PCDHGB2: variants seen among roughly 807,000 people sequenced by gnomAD.
PCDHGB2 encodes protocadherin gamma subfamily B, 2.
Under a neutral mutation model 59.3 loss-of-function variants are expected in PCDHGB2, and 55 were observed. The observed-to-expected ratio is 0.93, with a 90% CI of 0.75 to 1.16. The LOEUF is 1.16. Among genes scored for constraint, PCDHGB2 ranks in the 50% most tolerant of loss-of-function variants. The probability of loss-of-function intolerance (pLI) is 0.00; values close to 1 mark genes in which losing one functional copy is unlikely to be tolerated. For synonymous variants in PCDHGB2, 516 were observed against 512.0 expected, an observed-to-expected ratio of 1.01 and a Z score of -0.11; for missense variants, 1,228 against 1,198.5, an observed-to-expected ratio of 1.02 and a Z score of -0.36.
Position 141,372,306 on chromosome 5 carries a change from G to T in PCDHGB2, c.2421+9750G>T, listed in dbSNP as rs771102617. 35 of 1,613,152 alleles carry T rather than the reference G, an allele frequency of 2.2e-5. No homozygotes were observed. Among genetic ancestry groups the T allele is most frequent in the African/African-American group, 9.3e-5 (7 of 75,056 alleles). ...GCGTACCTTGGGCGACAGGGAGGCC[G>T]CCCGCCAGCGCCTGCTGGTCACTGT... On this transcript the variant is annotated intron_variant, in intron 1 of 3. Coordinates refer to ENST00000522605, the MANE Select transcript of PCDHGB2 (RefSeq NM_018923.3).
At chr5:141,444,115 AG>A (rs1206374963) in intron 1 of PCDHGB2, among the ~76,000 whole-genome samples, 3 of 147,326 alleles carry the variant, frequency 2.0e-5, no homozygotes, top group Admixed American at 2.0e-4. Context: ...AGAAAAGTGA[AG>A]TATCTCAACA....
intron 1 of PCDHGB2, chr5:141,423,349 T>A (rs2096733716): frequency 6.2e-7 from 1 of 1,614,196 alleles, no homozygotes; most frequent in East Asian, 2.2e-5. Context: ...CTTCCTGGTC[T>A]TTGTCATCGT....
intron 1 of PCDHGB2, among the ~76,000 whole-genome samples, chr5:141,448,434 G>A (rs2098588755): frequency 1.3e-5 from 2 of 152,052 alleles, no homozygotes; most frequent in Non-Finnish European, 2.9e-5. Context: ...TATATATTGA[G>A]AAGTCTGACT....
At chr5:141,478,891 A>G (rs1045274228) in intron 1 of PCDHGB2, 10 of 1,122,064 alleles carry the variant, frequency 8.9e-6, no homozygotes, top group Admixed American at 3.1e-5. Context: ...TATCATTTAC[A>G]TTAGGAATAA....
chr5:141,435,396 G>A (rs562717014), intron 1 of PCDHGB2, among the ~76,000 whole-genome samples: 46 of 152,096 alleles, frequency 3.0e-4, no homozygotes, highest in African/African-American at 9.4e-4. Context: ...TTGCCATGAC[G>A]AAAAATGGTA....
rs1167115299 is a variant in PCDHGB2, at chr5:141,362,416, G to C, written c.2281G>C (p.Ala761Pro). 2 of 1,614,008 alleles carry C rather than the reference G, an allele frequency of 1.2e-6. No homozygotes were observed. The highest frequency in any genetic ancestry group is 1.7e-6 in the Non-Finnish European group (2 of 1,179,902). ...CAACCTGTGTGTTGCCTCACAATCA[G>C]CCAAGACAGAGTTCAATTTTCTGAA... is the stretch of plus-strand genomic sequence containing the variant. ...SYNLCVASQSAKTEFNFLNIT... is the reference protein window; with the variant it reads ...SYNLCVASQSPKTEFNFLNIT... The change falls in exon 1 of 4, where the codon GCC (alanine) becomes CCC (proline). Residue 761 changes from alanine (A) to proline (P), a missense_variant. This residue lies in a region of PCDHGB2 where 433 missense variants were observed against 441.8 expected (regional missense o/e 0.98). Coordinates refer to ENST00000522605, the MANE Select transcript of PCDHGB2 (RefSeq NM_018923.3).
intron 1 of PCDHGB2, chr5:141,408,397 G>T: frequency 6.2e-7 from 1 of 1,614,068 alleles, no homozygotes; most frequent in Non-Finnish European, 8.5e-7. Context: ...CGGCTCGCAA[G>T]CTGCGAGTGA....
At position 141,375,481 on chromosome 5, in the gene PCDHGB2, CA is replaced by C. The variant is rs140643836; in HGVS notation, c.2421+12926del. 6.2e-4 allele frequency: 1,002 copies of C among 1,614,010 alleles called. 20 individuals are homozygous for C. The East Asian group carries it at 0.02, about 31-fold the overall frequency. On this transcript the variant is annotated intron_variant, in intron 1 of 3. Transcript: ENST00000522605. ...CAGTCTATGTCCTTGAAAACAACCC[CA>C]GGGGTGCCTCCATCTTCTCTGTGAA...
intron 1 of PCDHGB2, chr5:141,372,194 C>T: frequency 6.2e-7 from 1 of 1,613,572 alleles, no homozygotes; most frequent in Non-Finnish European, 8.5e-7. Context: ...ACTCGGGATA[C>T]AACGCCTGGC....
At chr5:141,368,236 C>T (rs1444187989) in intron 1 of PCDHGB2, among the ~76,000 whole-genome samples, 1 of 152,160 alleles carries the variant, frequency 6.6e-6, no homozygotes, top group Non-Finnish European at 1.5e-5. Context: ...CTACATTACT[C>T]AACCACATGA....
rs772807357 is a variant in PCDHGB2, at chr5:141,431,758, C to G, written c.2422-63049C>G. On this transcript the variant is annotated intron_variant, in intron 1 of 3. Transcript: ENST00000522605. This position sits in a 1 kb window ranked among gnomAD's most constrained non-coding sequence, Gnocchi z 4.8. ...CAGGATATTCTGCGCGAGCCAAAGTCCTGATCACTGTTCTGGACGTGAACG... is the reference window on the plus strand; with the variant it reads ...CAGGATATTCTGCGCGAGCCAAAGTGCTGATCACTGTTCTGGACGTGAACG... 2.0e-5 allele frequency: 32 copies of G among 1,614,054 alleles called. No individual in the cohort carries two copies. The highest frequency in any genetic ancestry group is 2.6e-5 in the Non-Finnish European group (31 of 1,180,028).
At chr5:141,478,694 T>A (rs2099472305) in intron 1 of PCDHGB2, 1 of 1,550,598 alleles carries the variant, frequency 6.4e-7, no homozygotes, top group Admixed American at 2.0e-5. Flanking sequence ...TAGATCAAAG[T>A]TAGTGCCTTT....
chr5:141,405,621 C>T lies in PCDHGB2; in HGVS notation c.2421+43065C>T, dbSNP rs2094693815. 9.2e-6 allele frequency: 5 copies of T among 543,194 alleles called. No individual in the cohort carries two copies. In the South Asian group the frequency reaches 1.0e-4, roughly 11 times the overall value. 33.6% of individuals were successfully genotyped at this position (543,194 alleles called of 1,614,324 possible). ...AGTAGAATAACTGGGACTACAGGCA[C>T]GTGCCACCACGCCCGGCTAATTTTT... On this transcript the variant is annotated intron_variant, in intron 1 of 3. Coordinates refer to ENST00000522605, the MANE Select transcript of PCDHGB2 (RefSeq NM_018923.3).
At chr5:141,394,982 C>CCTGCTCCA (rs2093142772) in intron 1 of PCDHGB2, 2 of 1,613,866 alleles carry the variant, frequency 1.2e-6, no homozygotes, top group South Asian at 2.2e-5. Flanking sequence ...ACAAGTCACG[C>CCTGCTCCA]CTGCTCCAGG....
chr5:141,473,262 G>T (rs905961411), intron 1 of PCDHGB2, among the ~76,000 whole-genome samples: 2 of 152,188 alleles, frequency 1.3e-5, no homozygotes, highest in Admixed American at 6.5e-5. Flanking sequence ...AGTCCTTAGT[G>T]TATGCTATGA....
chr5:141,495,041 G>A, intron 2 of PCDHGB2, 176 bp downstream of exon 2: 1 of 942,350 alleles, frequency 1.1e-6, no homozygotes, highest in Non-Finnish European at 1.3e-6. Flanking sequence ...AGGAAGAGGC[G>A]ACTGCCCTGA....
chr5:141,485,500 C>T lies in PCDHGB2; in HGVS notation c.2422-9307C>T. 1 of 1,614,142 alleles carries T rather than the reference C, an allele frequency of 6.2e-7. No homozygotes were observed. The highest frequency in any genetic ancestry group is 8.5e-7 in the Non-Finnish European group (1 of 1,180,038). ...GCTGCATCGTGCCCCTGGAGTTTGT[C>T]ACCGAAGGTCCTTTGGAAATGTACC... On this transcript the variant is annotated intron_variant, in intron 1 of 3. Coordinates refer to ENST00000522605, the MANE Select transcript of PCDHGB2 (RefSeq NM_018923.3). The surrounding 1 kb of genome is among the most constrained non-coding windows in gnomAD (Gnocchi z 5.7).
intron 1 of PCDHGB2, chr5:141,384,121 A>G (rs1779757093): frequency 1.2e-6 from 2 of 1,609,374 alleles, no homozygotes; most frequent in African/African-American, 1.3e-5. Context: ...GGTCACAACC[A>G]AAAACTTGGA....
At position 141,476,791 on chromosome 5, in the gene PCDHGB2, C is replaced by A. The variant is rs766227340; in HGVS notation, c.2422-18016C>A. 1 of 1,613,512 alleles carries A rather than the reference C, an allele frequency of 6.2e-7. No individual in the cohort carries two copies. Among genetic ancestry groups the A allele is most frequent in the Non-Finnish European group, 8.5e-7 (1 of 1,180,014 alleles). On this transcript the variant is annotated intron_variant, in intron 1 of 3. Transcript: ENST00000522605. This position sits in a 1 kb window ranked among gnomAD's most constrained non-coding sequence, Gnocchi z 7.6. ...TGGACGGAGGGACCCCAGCTCTCTC[C>A]GCCAGCCTGCCTATTCACATCAAGG...
Sources: gnomAD v4.1 joint callset for allele counts (sites outside exome capture counted in the v4.1 genomes callset) on GRCh38, gnomAD v4.1.1 for gene constraint, gnomAD v4.1.1 regional missense constraint, Gnocchi (gnomAD v3.1) non-coding constraint, MANE v1.5 for transcripts, NCBI Gene and HGNC (gene_info 2026-07-23, HGNC 2026-07-21) for gene names.